The following PCDHA1 variants were observed in gnomAD, a reference collection of about 807,000 sequenced individuals.
The protein encoded by PCDHA1 is protocadherin alpha 1.
PCDHA1 carries 42 observed loss-of-function variants against 61.3 expected under a neutral mutation model. The observed-to-expected ratio is 0.69, with a 90% CI of 0.54 to 0.89. The LOEUF (loss-of-function observed/expected upper bound fraction) is 0.89, where lower values mean the gene tolerates loss of function less well. PCDHA1 is among the 40% of genes least tolerant of loss of function. The pLI, the probability that PCDHA1 is intolerant of heterozygous loss-of-function variation, is 0.00. For missense variants in PCDHA1, 1,256 were observed against 1,235.3 expected (o/e 1.02, Z -0.25); for synonymous variants, 610 against 553.8 (o/e 1.10, Z -1.43).
intron 1 of PCDHA1, among the ~76,000 whole-genome samples, chr5:140,932,642 T>G (rs2088501803): frequency 6.6e-6 from 1 of 151,860 alleles, no homozygotes. Context: ...AACTTTAGAA[T>G]GATGAAACTA....
chr5:140,891,592 T>G (rs1162338197), intron 1 of PCDHA1, among the ~76,000 whole-genome samples: 1 of 152,216 alleles, frequency 6.6e-6, no homozygotes, highest in East Asian at 1.9e-4. Context: ...TATTACTCTA[T>G]CCCATCTATT....
chr5:140,997,610 C>A (rs1223241020), intron 3 of PCDHA1, among the ~76,000 whole-genome samples: 1 of 151,776 alleles, frequency 6.6e-6, no homozygotes, highest in Non-Finnish European at 1.5e-5. Flanking sequence ...GGGCGCATGA[C>A]TATATAGAGA....
intron 1 of PCDHA1, chr5:140,807,094 TG>T: frequency 7.3e-7 from 1 of 1,376,078 alleles, no homozygotes; most frequent in Non-Finnish European, 1.0e-6. Flanking sequence ...GTCTGAAATA[TG>T]GAGGATGCAG....
intron 1 of PCDHA1, chr5:140,967,749 C>A (rs1554229896): frequency 1.2e-6 from 2 of 1,614,172 alleles, no homozygotes; most frequent in Non-Finnish European, 1.7e-6. Context: ...TATGAGGAAG[C>A]CTCCTCCTAC....
intron 1 of PCDHA1, among the ~76,000 whole-genome samples, chr5:140,963,667 T>G (rs1206076549): frequency 3.9e-5 from 6 of 152,238 alleles, no homozygotes; most frequent in African/African-American, 1.4e-4. Context: ...CTATATGGCA[T>G]AGTTAAATGT....
chr5:140,786,665 C>T lies in PCDHA1; in HGVS notation c.375C>T (p.Asp125=). The change falls in exon 1 of 4, where the codon GAC becomes GAT. Residue 125 remains aspartate (D), a synonymous_variant. Coordinates refer to ENST00000504120, the MANE Select transcript of PCDHA1 (RefSeq NM_018900.4). ...TCCATGTGGAGGTGAAGGTGAAAGACATTAACGATAATCCACCCGTCTTCA... is the reference window on the plus strand; with the variant it reads ...TCCATGTGGAGGTGAAGGTGAAAGATATTAACGATAATCCACCCGTCTTCA... ...QVFHVEVKVK[D]INDNPPVFRG... is the part of the protein sequence containing the mutation. 1.2e-6 allele frequency: 2 copies of T among 1,614,240 alleles called. No individual in the cohort carries two copies. The highest frequency in any genetic ancestry group is 1.1e-5 in the South Asian group (1 of 91,082).
At chr5:140,875,931 T>C in intron 1 of PCDHA1, 1 of 1,614,176 alleles carries the variant, frequency 6.2e-7, no homozygotes, top group South Asian at 1.1e-5. Flanking sequence ...CTCATTTTCC[T>C]CTAGAGGGCG....
chr5:140,823,856 A>T (rs2150129762), intron 1 of PCDHA1: 3 of 1,613,758 alleles, frequency 1.9e-6, no homozygotes, highest in South Asian at 2.2e-5. Context: ...GCCCTGGTGG[A>T]TGTCAACGTG....
rs2154002003 is a variant in PCDHA1, at chr5:141,010,389, G to GAC, written c.*453_*454dup. The stretch of plus-strand genomic sequence containing the variant: ...TATGCGAGTGCCAGATATTGGCTGA[G>GAC]ACGAGCCAGCTTAGACTAATTGGTA... On this transcript the variant is annotated 3_prime_UTR_variant, in exon 4 of 4. Coordinates refer to ENST00000504120, the MANE Select transcript of PCDHA1 (RefSeq NM_018900.4). 1.4e-6 allele frequency: 2 copies of GAC among 1,400,314 alleles called. No individual in the cohort carries two copies. The highest frequency in any genetic ancestry group is 5.0e-5 in the East Asian group (2 of 40,030). The allele number at this position is 1,400,314 out of a possible 1,614,324, so 86.7% of individuals were successfully genotyped here. A position where few individuals can be genotyped will look rare whatever the true frequency, so the allele number is the denominator to read the frequency against.
intron 1 of PCDHA1, chr5:140,854,215 G>A: frequency 1.5e-6 from 1 of 645,326 alleles, no homozygotes; most frequent in Non-Finnish European, 1.9e-6. Flanking sequence ...TTCAATATTG[G>A]ACATCTACAT....
At chr5:140,877,721 A>G in intron 1 of PCDHA1, 1 of 1,614,000 alleles carries the variant, frequency 6.2e-7, no homozygotes, top group East Asian at 2.2e-5. Context: ...AGTTGGTCTT[A>G]CTCGCAGCAG....
chr5:140,809,323 G>A lies in PCDHA1; in HGVS notation c.2394+20639G>A, dbSNP rs145154617. 2.2e-4 allele frequency: 363 copies of A among 1,614,098 alleles called. 1 individual carries two copies. In the African/African-American group the frequency reaches 3.9e-3, roughly 17 times the overall value. On this transcript the variant is annotated intron_variant, in intron 1 of 3. Coordinates refer to ENST00000504120, the MANE Select transcript of PCDHA1 (RefSeq NM_018900.4). ...TCTGCGCGGTGTCCAGCCTTTTGGT[G>A]CTCACGCTGCTGCTGTACACCGCGC...
At chr5:140,825,167 A>G (rs2150138506) in intron 1 of PCDHA1, 1 of 151,640 alleles carries the variant, frequency 6.6e-6, no homozygotes, top group East Asian at 1.9e-4. Flanking sequence ...TGCTTTTTTC[A>G]TTTACTAATG....
chr5:140,834,172 G>C (rs114972611), intron 1 of PCDHA1: 25 of 551,148 alleles, frequency 4.5e-5, no homozygotes, highest in Non-Finnish European at 5.7e-5. Flanking sequence ...TTACTTACAT[G>C]ATGGCCACAT....
intron 1 of PCDHA1, among the ~76,000 whole-genome samples, chr5:140,793,685 C>A (rs1307456007): frequency 6.6e-6 from 1 of 152,086 alleles, no homozygotes; most frequent in Non-Finnish European, 1.5e-5. Flanking sequence ...TCATCCTCAT[C>A]TTATCTTTAT....
chr5:140,796,626 C>T (rs1554120014), intron 1 of PCDHA1: 2 of 1,609,656 alleles, frequency 1.2e-6, no homozygotes, highest in Non-Finnish European at 1.7e-6. Context: ...TGCAGGTGTT[C>T]GTGCTGGACG....
chr5:140,927,191 T>TG, intron 1 of PCDHA1: 1 of 1,614,144 alleles, frequency 6.2e-7, no homozygotes, highest in East Asian at 2.2e-5. Flanking sequence ...TACGACCTGG[T>TG]GCTCGAGGAC....
intron 2 of PCDHA1, among the ~76,000 whole-genome samples, chr5:140,979,418 T>A (rs895579689): frequency 3.3e-5 from 5 of 152,178 alleles, no homozygotes; most frequent in South Asian, 2.1e-4. Flanking sequence ...GTTTTTTTTT[T>A]AATCTCACAT....
At chr5:140,803,555 G>A in intron 1 of PCDHA1, 3 of 1,614,228 alleles carry the variant, frequency 1.9e-6, no homozygotes, top group Non-Finnish European at 2.5e-6. Context: ...GGGATAGAGA[G>A]GAGAAACAGG....
Sources: gnomAD v4.1 joint callset for allele counts (sites outside exome capture counted in the v4.1 genomes callset) on GRCh38, gnomAD v4.1.1 for gene constraint, MANE v1.5 for transcripts, NCBI Gene and HGNC (gene_info 2026-07-23, HGNC 2026-07-21) for gene names.